HEMK1: variants seen among roughly 807,000 people sequenced by gnomAD.
HEMK1 encodes the protein HemK methyltransferase 1, mitochondrial release factors N(5)-glutamine.
In HEMK1, 36 loss-of-function variants were observed where a neutral mutation model predicts 47.9. The ratio of observed to expected loss-of-function variants is 0.75; its 90% CI spans 0.58 to 0.99. The LOEUF (loss-of-function observed/expected upper bound fraction) is 0.99. Among genes scored for constraint, HEMK1 ranks in the 50% least tolerant of loss-of-function variants. The probability of loss-of-function intolerance (pLI) is 0.00; values close to 1 mark genes in which losing one functional copy is unlikely to be tolerated. For missense variants in HEMK1, 383 were observed against 434.5 expected (o/e 0.88, Z 1.05); for synonymous variants, 153 against 165.4 (o/e 0.93, Z 0.57).
At chr3:50,579,446 G>T (rs1276660332) in intron 8 of HEMK1, among the ~76,000 whole-genome samples, 2 of 152,194 alleles carry the variant, frequency 1.3e-5, no homozygotes, top group Non-Finnish European at 2.9e-5. Flanking sequence ...AGTCCTGGAT[G>T]GGGCAGCAGT....
intron 8 of HEMK1, among the ~76,000 whole-genome samples, chr3:50,579,272 G>C (rs962645888): frequency 6.6e-6 from 1 of 152,168 alleles, no homozygotes; most frequent in Non-Finnish European, 1.5e-5. Context: ...CAGTAGATGG[G>C]CGCATCATTT....
chr3:50,580,067 C>T, intron 9 of HEMK1, 49 bp from the exon 10 acceptor site: 1 of 1,563,794 alleles, frequency 6.4e-7, no homozygotes, highest in Middle Eastern at 1.7e-4. Context: ...CCCAGAAGGG[C>T]AGGCGCCAGA....
chr3:50,570,898 C>T (rs948067082), intron 1 of HEMK1, 33 bp from the exon 2 acceptor site: 12 of 477,352 alleles, frequency 2.5e-5, no homozygotes, highest in African/African-American at 2.2e-4. Flanking sequence ...TCATACAAGG[C>T]TCACCTGCTT....
At chr3:50,580,071 C>CG in intron 9 of HEMK1, 45 bp from the exon 10 acceptor site, 1 of 1,567,622 alleles carries the variant, frequency 6.4e-7, no homozygotes, top group Non-Finnish European at 8.8e-7. Context: ...GAAGGGCAGG[C>CG]GCCAGACCTG....
intron 4 of HEMK1, 138 bp from the exon 5 acceptor site, chr3:50,576,914 C>G (rs1701652340): frequency 1.9e-6 from 2 of 1,034,716 alleles, no homozygotes; most frequent in East Asian, 4.9e-5. Flanking sequence ...TGGCCATGCC[C>G]CAGCTGACAT....
At chr3:50,572,051 C>A in intron 3 of HEMK1, 64 bp from the exon 4 acceptor site, 1 of 1,605,476 alleles carries the variant, frequency 6.2e-7, no homozygotes, top group Non-Finnish European at 8.5e-7. Context: ...GGTATCTCAA[C>A]CCAGGCATGG....
In HEMK1 at chr3:50,571,154, G is replaced by C. The variant is rs749987126; in HGVS notation, c.50G>C (p.Arg17Thr). 6.2e-7 allele frequency: 1 copy of C among 1,613,108 alleles called. No homozygotes were observed. The stretch of plus-strand genomic sequence containing the variant: ...TGGGCCCTCCTGTCTGGCCCAGGGA[G>C]GAGGGGAAGTACCCGGGGCTGGGCC... ...MLWALLSGPG[R>T]RGSTRGWAFS... The change falls in exon 2 of 11, where the codon AGG (arginine) becomes ACG (threonine). Residue 17 changes from arginine to threonine, a missense_variant. By Grantham distance (71) the Arg-to-Thr change is moderately conservative. Coordinates refer to ENST00000232854, the MANE Select transcript of HEMK1 (RefSeq NM_016173.5).
chr3:50,576,186 G>T (rs995568666), intron 4 of HEMK1, among the ~76,000 whole-genome samples: 1 of 152,224 alleles, frequency 6.6e-6, no homozygotes, highest in Non-Finnish European at 1.5e-5. Context: ...GCCTCCCTGG[G>T]GGCCTCTCAA....
chr3:50,571,317 C>T lies in HEMK1; in HGVS notation c.213C>T (p.Val71=), dbSNP rs770661737. ...CCAGTGAGTACATCGTGGCTCATGT[C>T]CTTGGAGCCAAAACAGTTAAGTTTA... ...RESSEYIVAH[V]LGAKTFQSLR... The change falls in exon 2 of 11, where the codon GTC becomes GTT. Residue 71 remains valine, a synonymous_variant. Coordinates refer to ENST00000232854, the MANE Select transcript of HEMK1 (RefSeq NM_016173.5). The T allele has an allele frequency of 1.9e-6, 3 of 1,594,102 alleles. No individual in the cohort carries two copies. The highest frequency in any genetic ancestry group is 2.3e-5 in the South Asian group (2 of 88,032).
chr3:50,572,873 G>A (rs1701166250), intron 4 of HEMK1, among the ~76,000 whole-genome samples: 2 of 152,220 alleles, frequency 1.3e-5, no homozygotes, highest in African/African-American at 4.8e-5. Flanking sequence ...CCTTGTAGAT[G>A]ACAGAGCTGG....
intron 8 of HEMK1, 60 bp from the exon 9 acceptor site, chr3:50,579,784 C>T: frequency 1.6e-6 from 2 of 1,270,576 alleles, no homozygotes; most frequent in Admixed American, 3.6e-5. Flanking sequence ...TGCCCATGCC[C>T]TCCATGCATT....
At chr3:50,573,486 A>G (rs1307210203) in intron 4 of HEMK1, among the ~76,000 whole-genome samples, 1 of 152,206 alleles carries the variant, frequency 6.6e-6, no homozygotes, top group Non-Finnish European at 1.5e-5. Context: ...GGCACCAGCC[A>G]TATGTGCCAG....
In HEMK1 at chr3:50,582,788, G is replaced by A. The variant is rs1467948331; in HGVS notation, c.*2371G>A. Reference sequence around the variant, plus strand: ...GACTCCTCACTGTTGTCTAGAGATGGAGCCAGCAGGCTGGTAGCCTGGCAG... The same window carrying A: ...GACTCCTCACTGTTGTCTAGAGATGAAGCCAGCAGGCTGGTAGCCTGGCAG... On this transcript the variant is annotated 3_prime_UTR_variant, in exon 11 of 11. Coordinates refer to ENST00000232854, the MANE Select transcript of HEMK1 (RefSeq NM_016173.5). 6.6e-6 allele frequency: 1 copy of A among 152,264 alleles called. No individual in the cohort carries two copies. The highest frequency in any genetic ancestry group is 1.5e-5 in the Non-Finnish European group (1 of 68,098). The allele number at this position is 152,264 out of a possible 1,614,324, so 9.4% of individuals were successfully genotyped here.
chr3:50,575,551 G>T (rs1701491401), intron 4 of HEMK1, among the ~76,000 whole-genome samples: 1 of 152,242 alleles, frequency 6.6e-6, no homozygotes, highest in Non-Finnish European at 1.5e-5. Flanking sequence ...CGTCTGGTGG[G>T]AGAGGCACAC....
intron 4 of HEMK1, among the ~76,000 whole-genome samples, chr3:50,576,218 G>A (rs115086274): frequency 6.6e-6 from 1 of 152,336 alleles, no homozygotes; most frequent in African/African-American, 2.4e-5. Flanking sequence ...TGAGGAGGCT[G>A]GGGACACACC....
In HEMK1 at chr3:50,585,935, T is replaced by C. The variant is rs565458469; in HGVS notation, c.*5518T>C. The stretch of plus-strand genomic sequence containing the variant: ...TTAAGTCAATTAGGTGGTGCTCATA[T>C]GGCTGTCCATGTAGCTACTAAACCC... On this transcript the variant is annotated 3_prime_UTR_variant, in exon 11 of 11. Coordinates refer to ENST00000232854, the MANE Select transcript of HEMK1 (RefSeq NM_016173.5). 2 of 152,352 alleles carry C rather than the reference T, an allele frequency of 1.3e-5. No individual in the cohort carries two copies. Among genetic ancestry groups the C allele is most frequent in the South Asian group, 4.1e-4 (2 of 4,832 alleles). 9.4% of individuals were successfully genotyped at this position (152,352 alleles called of 1,614,324 possible).
chr3:50,571,707 C>G lies in HEMK1; in HGVS notation c.229-3C>G, dbSNP rs201605332. 19 of 1,614,054 alleles carry G rather than the reference C, an allele frequency of 1.2e-5. No homozygotes were observed. Among genetic ancestry groups the G allele is most frequent in the Non-Finnish European group, 1.6e-5 (19 of 1,179,912 alleles). ...CAGCCACTTATATTCTCTGTGGGGACAGTTTCAGAGCCTGAGGCCGGCACT... is the reference window on the plus strand; with the variant it reads ...CAGCCACTTATATTCTCTGTGGGGAGAGTTTCAGAGCCTGAGGCCGGCACT... On this transcript the variant is annotated splice_polypyrimidine_tract_variant and splice_region_variant and intron_variant, in intron 2 of 10. Transcript: ENST00000232854.
upstream of HEMK1, chr3:50,569,512 C>T (rs954910945): frequency 2.7e-5 from 4 of 150,262 alleles, no homozygotes; most frequent in Non-Finnish European, 5.9e-5. Context: ...CCACGCACGT[C>T]CGGGCGTCCA....
Position 50,585,814 on chromosome 3 carries a change from G to C in HEMK1, c.*5397G>C, listed in dbSNP as rs1249975699. On this transcript the variant is annotated 3_prime_UTR_variant, in exon 11 of 11. Transcript: ENST00000232854. ...ATCCCTGATCTTTTTTCCCAGAGAG[G>C]GATGGGGCTTACTTGAAGTAACACA... 6.6e-6 allele frequency: 1 copy of C among 152,216 alleles called. No homozygotes were observed. Among genetic ancestry groups the C allele is most frequent in the Admixed American group, 6.5e-5 (1 of 15,288 alleles). The allele number at this position is 152,216 out of a possible 1,614,324, so 9.4% of individuals were successfully genotyped here.
Sources: allele counts gnomAD v4.1 joint callset (sites outside exome capture counted in the v4.1 genomes callset), GRCh38; gene constraint gnomAD v4.1.1; transcripts MANE v1.5; gene names NCBI Gene and HGNC (gene_info 2026-07-23, HGNC 2026-07-21).